The following KDM2B variants were observed in gnomAD, a reference collection of about 807,000 sequenced individuals.
KDM2B encodes lysine demethylase 2B, also known as lysine-specific demethylase 2B.
In KDM2B, 26 loss-of-function variants were observed where a neutral mutation model predicts 150.0. The observed-to-expected ratio is 0.17, with a 90% confidence interval of 0.13 to 0.24. The LOEUF is 0.24. KDM2B is among the 10% of genes least tolerant of loss of function. The pLI is 1.00. For missense variants in KDM2B, 1,265 were observed against 1,816.9 expected, an observed-to-expected ratio of 0.70 and a Z score of 5.52; for synonymous variants, 734 against 729.5, an observed-to-expected ratio of 1.01 and a Z score of -0.10.
At chr12:121,445,068 G>T (rs911958664) in intron 14 of KDM2B, 2 of 560,394 alleles carry the variant, frequency 3.6e-6, no homozygotes, top group African/African-American at 3.8e-5. Flanking sequence ...AGGTGGGGGT[G>T]TGTTTATTCC....
In KDM2B at chr12:121,513,300, A is replaced by G. The variant is rs782181777; in HGVS notation, c.1150T>C (p.Tyr384His). The change falls in exon 10 of 23, where the codon TAC becomes CAC. Residue 384 changes from tyrosine (Y) to histidine (H), a missense_variant. By Grantham distance (83) the Tyr-to-His change is moderately conservative. Around this residue, in one of 11 missense-constraint regions of KDM2B, gnomAD observed 154 missense variants for 162.5 expected, o/e 0.95. Transcript: ENST00000377071. This position sits in a 1 kb window ranked among gnomAD's most constrained non-coding sequence, Gnocchi z 5.0. ...CCAATAAGCATCGACTCCCTCTGGT[A>G]TTCCTGAGTGAGGTGGGAGCGCTGG... The part of the protein sequence containing the change: ...VTQRSHLTQE[Y>H]QRESMLIDAP... 6.8e-6 allele frequency: 11 copies of G among 1,613,458 alleles called. No individual in the cohort carries two copies. The highest frequency in any genetic ancestry group is 9.3e-6 in the Non-Finnish European group (11 of 1,179,896).
rs531349414 is a variant in KDM2B at position 121,504,775 on chromosome 12, T to C, written c.1647+4792A>G. Among the ~76,000 whole-genome samples, 19 of 151,860 alleles carry C rather than the reference T, an allele frequency of 1.3e-4. No homozygotes were observed. The South Asian group carries it at 3.5e-3, about 28-fold the overall frequency. On this transcript the variant is annotated intron_variant, in intron 11 of 22. Transcript: ENST00000377071. ...AGCATTTCAGGAGGCCAAGCCAAGATTACCTGAGGCCTGGCCAATGTGATG... is the reference window on the plus strand; with the variant it reads ...AGCATTTCAGGAGGCCAAGCCAAGACTACCTGAGGCCTGGCCAATGTGATG...
At chr12:121,561,941 G>A (rs1434772857) in intron 4 of KDM2B, among the ~76,000 whole-genome samples, 5 of 152,204 alleles carry the variant, frequency 3.3e-5, no homozygotes, top group Non-Finnish European at 5.9e-5. Flanking sequence ...GGAGGCTGAG[G>A]TAGGCGGATC....
intron 9 of KDM2B, among the ~76,000 whole-genome samples, chr12:121,515,865 G>T (rs1886136907): frequency 6.6e-6 from 1 of 152,140 alleles, no homozygotes; most frequent in Non-Finnish European, 1.5e-5. Flanking sequence ...CCCCCTGGGG[G>T]ATGCACGGAG....
intron 12 of KDM2B, among the ~76,000 whole-genome samples, chr12:121,464,189 T>C (rs1879503667): frequency 6.6e-6 from 1 of 152,190 alleles, no homozygotes; most frequent in South Asian, 2.1e-4. Flanking sequence ...GTTATAATCA[T>C]ATCACTGTAC....
At chr12:121,431,494 A>G (rs1555285516) in intron 22 of KDM2B, among the ~76,000 whole-genome samples, 1 of 151,996 alleles carries the variant, frequency 6.6e-6, no homozygotes, top group African/African-American at 2.4e-5. Context: ...CCTTAGTATC[A>G]ACACTTTCAT....
intron 8 of KDM2B, among the ~76,000 whole-genome samples, chr12:121,530,135 G>A (rs1485172669): frequency 6.6e-6 from 1 of 150,514 alleles, no homozygotes; most frequent in Non-Finnish European, 1.5e-5. Context: ...AGCTGAGGCA[G>A]GAGAATGGTG....
At chr12:121,497,291 A>G (rs1884068323) in intron 11 of KDM2B, among the ~76,000 whole-genome samples, 1 of 152,092 alleles carries the variant, frequency 6.6e-6, no homozygotes, top group East Asian at 1.9e-4. Context: ...TCCAATAAAC[A>G]AAGTTGGGTT....
At chr12:121,420,275 G>A in the KDM2B span, 1 of 1,583,228 alleles carries the variant, frequency 6.3e-7, no homozygotes, top group Non-Finnish European at 8.5e-7. Context: ...AAACACAGAA[G>A]ATGATGATGA....
intron 12 of KDM2B, among the ~76,000 whole-genome samples, chr12:121,489,266 TTTTA>T (rs1377555636): frequency 1.3e-5 from 2 of 151,326 alleles, no homozygotes; most frequent in East Asian, 2.0e-4. Context: ...ATTTTATTTA[TTTTA>T]TTTATTTATT....
In KDM2B at chr12:121,533,746, A is replaced by G. The variant is rs1887853084; in HGVS notation, c.777+751T>C. On this transcript the variant is annotated intron_variant, in intron 7 of 22. Transcript: ENST00000377071. The surrounding 1 kb of genome is among the most constrained non-coding windows in gnomAD (Gnocchi z 4.1). ...GACTGGGTGAGTGGAGCAGGCCTGC[A>G]TGGGTGACTAGATGCGATGTAAAAG... Among the ~76,000 whole-genome samples, 1 of 150,870 alleles carries G rather than the reference A, an allele frequency of 6.6e-6. No homozygotes were observed. Among genetic ancestry groups the G allele is most frequent in the African/African-American group, 2.4e-5 (1 of 41,236 alleles).
intron 12 of KDM2B, among the ~76,000 whole-genome samples, chr12:121,461,147 G>T (rs570182574): frequency 3.4e-4 from 52 of 152,310 alleles, no homozygotes; most frequent in African/African-American, 1.2e-3. Flanking sequence ...GTGGGTCTTA[G>T]AGGGAGAACA....
chr12:121,517,042 G>T (rs1236175443), intron 9 of KDM2B, among the ~76,000 whole-genome samples: 1 of 151,882 alleles, frequency 6.6e-6, no homozygotes, highest in Non-Finnish European at 1.5e-5. Flanking sequence ...CTGGGAGGGG[G>T]GGAAAGATAA....
At chr12:121,559,288 G>A (rs1441423951) in intron 4 of KDM2B, among the ~76,000 whole-genome samples, 4 of 152,018 alleles carry the variant, frequency 2.6e-5, no homozygotes, top group South Asian at 2.1e-4. Flanking sequence ...TTAGTGTGCC[G>A]GGAGCTCTGA....
intron 12 of KDM2B, among the ~76,000 whole-genome samples, chr12:121,473,066 A>G (rs1880938860): frequency 1.3e-5 from 2 of 152,202 alleles, no homozygotes; most frequent in Admixed American, 1.3e-4. Context: ...CATAGACTCC[A>G]AACAAAAGCC....
intron 1 of KDM2B, chr12:121,579,736 C>A: frequency 6.8e-7 from 1 of 1,466,384 alleles, no homozygotes; most frequent in Non-Finnish European, 9.1e-7. Flanking sequence ...CTCAGCCCCC[C>A]AGATTCCGGG....
intron 13 of KDM2B, 34 bp from the exon 14 acceptor site, chr12:121,445,452 G>C (rs1875987548): frequency 6.4e-7 from 1 of 1,555,638 alleles, no homozygotes; most frequent in African/African-American, 1.4e-5. Flanking sequence ...CAAGTCATCA[G>C]GGGTGGGGAG....
At chr12:121,556,671 TGAAACCC>T (rs1889924418) in intron 4 of KDM2B, among the ~76,000 whole-genome samples, 1 of 152,062 alleles carries the variant, frequency 6.6e-6, no homozygotes, top group African/African-American at 2.4e-5. Flanking sequence ...GACAACATGG[TGAAACCC>T]TGTCTCTACT....
intron 4 of KDM2B, chr12:121,574,337 C>A (rs1891339706): frequency 3.9e-6 from 2 of 511,194 alleles, no homozygotes; most frequent in Non-Finnish European, 7.0e-6. Context: ...AAACTGTGTA[C>A]CGGCAAACGC....
Sources: gnomAD v4.1 joint callset for allele counts (sites outside exome capture counted in the v4.1 genomes callset) on GRCh38, gnomAD v4.1.1 for gene constraint, gnomAD v4.1.1 regional missense constraint, Gnocchi (gnomAD v3.1) non-coding constraint, MANE v1.5 for transcripts, NCBI Gene and HGNC (gene_info 2026-07-23, HGNC 2026-07-21) for gene names.